The following CABLES1 variants were observed in gnomAD, a reference collection of about 807,000 sequenced individuals.
The protein encoded by CABLES1 is Cdk5 and Abl enzyme substrate 1, also known as CDK5 and ABL1 enzyme substrate 1.
Under a neutral mutation model 57.8 loss-of-function variants are expected in CABLES1, and 36 were observed. That is an observed-to-expected ratio of 0.62 (90% CI 0.48 to 0.82). The LOEUF is 0.82. Ranked by LOEUF, CABLES1 falls within the 40% of genes least tolerant of loss-of-function variation. The pLI, the probability that CABLES1 is intolerant of heterozygous loss-of-function variation, is 0.00. For missense variants in CABLES1, 767 were observed against 836.6 expected (o/e 0.92, Z 1.03); for synonymous variants, 374 against 363.0 (o/e 1.03, Z -0.35).
intron 1 of CABLES1, among the ~76,000 whole-genome samples, chr18:23,141,543 C>T (rs1480248578): frequency 6.6e-6 from 1 of 152,198 alleles, no homozygotes; most frequent in East Asian, 1.9e-4. Context: ...AGTAAGCAAA[C>T]ACAAGTTATT....
chr18:23,195,447 A>G (rs1307322749), intron 3 of CABLES1, among the ~76,000 whole-genome samples: 2 of 152,346 alleles, frequency 1.3e-5, no homozygotes, highest in Middle Eastern at 3.4e-3. Flanking sequence ...AAATTGCTAA[A>G]AAGTCTTTTA....
At chr18:23,190,590 G>GTAGCACCTCT (rs2047235416) in intron 2 of CABLES1, 1 of 152,202 alleles carries the variant, frequency 6.6e-6, no homozygotes, top group Non-Finnish European at 1.5e-5. Context: ...ACCCAGACTG[G>GTAGCACCTCT]TCCTCAGCCT....
At chr18:23,199,528 G>A (rs1307763731) in intron 3 of CABLES1, among the ~76,000 whole-genome samples, 2 of 152,316 alleles carry the variant, frequency 1.3e-5, no homozygotes, top group Non-Finnish European at 2.9e-5. Flanking sequence ...AAAGGAATCA[G>A]TACTGATACA....
chr18:23,224,604 A>C (rs534488925), intron 4 of CABLES1, among the ~76,000 whole-genome samples: 4 of 118,722 alleles, frequency 3.4e-5, no homozygotes, highest in Non-Finnish European at 6.4e-5. Context: ...AGTCTCTCTC[A>C]GTTGCTCAGG....
intron 1 of CABLES1, among the ~76,000 whole-genome samples, chr18:23,162,168 A>AAG (rs1254043794): frequency 1.9e-5 from 1 of 54,024 alleles, no homozygotes; most frequent in African/African-American, 1.1e-4. Context: ...CCTGTCTCAA[A>AAG]AAAAAAACAA....
upstream of CABLES1, among the ~76,000 whole-genome samples, chr18:23,134,956 G>C (rs2046806731): frequency 6.6e-6 from 1 of 152,118 alleles, no homozygotes. Context: ...AGTCTCCATA[G>C]GGGCTGTGGA....
At chr18:23,138,029 A>G (rs2046834580) in intron 1 of CABLES1, among the ~76,000 whole-genome samples, 1 of 152,156 alleles carries the variant, frequency 6.6e-6, no homozygotes, top group Non-Finnish European at 1.5e-5. Context: ...GCTCAGTATT[A>G]CCGCTTGACA....
In CABLES1 at chr18:23,145,110, T is replaced by C. The variant is rs188655376; in HGVS notation, c.845+8503T>C. 3.9e-5 allele frequency among the ~76,000 whole-genome samples: 6 copies of C among 152,212 alleles called. No individual in the cohort carries two copies. The East Asian group carries it at 9.7e-4, about 25-fold the overall frequency. On this transcript the variant is annotated intron_variant, in intron 1 of 9. Coordinates refer to ENST00000256925, the MANE Select transcript of CABLES1 (RefSeq NM_001100619.3). ...GCCACCATGCCCAGCTAATTTTTTGTATTTTTAGTAGAGACGGGGTTTCGC... is the reference window on the plus strand; with the variant it reads ...GCCACCATGCCCAGCTAATTTTTTGCATTTTTAGTAGAGACGGGGTTTCGC...
intron 9 of CABLES1, 106 bp downstream of exon 9, chr18:23,254,042 TAGTC>T (rs2048104718): frequency 1.1e-6 from 1 of 901,126 alleles, no homozygotes; most frequent in Non-Finnish European, 1.8e-6. Context: ...TTCTGATCCT[TAGTC>T]AGCAATTGAG....
intron 5 of CABLES1, among the ~76,000 whole-genome samples, chr18:23,235,625 A>G (rs1008125434): frequency 6.6e-6 from 1 of 152,230 alleles, no homozygotes; most frequent in African/African-American, 2.4e-5. Flanking sequence ...AGTACCTTAT[A>G]GTCAAATACA....
At chr18:23,196,327 CGGCGG>C (rs2047282294) in intron 3 of CABLES1, among the ~76,000 whole-genome samples, 1 of 152,118 alleles carries the variant, frequency 6.6e-6, no homozygotes, top group Non-Finnish European at 1.5e-5. Context: ...GCTGAGGCCA[CGGCGG>C]GTCGTATGCC....
intron 7 of CABLES1, among the ~76,000 whole-genome samples, chr18:23,238,261 A>G (rs984522271): frequency 6.6e-6 from 1 of 152,352 alleles, no homozygotes; most frequent in Non-Finnish European, 1.5e-5. Context: ...TTCATTCAGA[A>G]CTGAGGGTTC....
chr18:23,227,779 T>A (rs2047538831), intron 4 of CABLES1, among the ~76,000 whole-genome samples: 1 of 152,246 alleles, frequency 6.6e-6, no homozygotes, highest in Non-Finnish European at 1.5e-5. Flanking sequence ...CCTTTCGTAA[T>A]CCAGCTTTCA....
intron 4 of CABLES1, among the ~76,000 whole-genome samples, chr18:23,215,695 G>C (rs1481332420): frequency 1.3e-5 from 2 of 152,168 alleles, no homozygotes; most frequent in African/African-American, 4.8e-5. Context: ...CCCCTGAACA[G>C]CTTAGCAGGG....
At chr18:23,172,463 G>C (rs574036534) in intron 1 of CABLES1, among the ~76,000 whole-genome samples, 82 of 152,326 alleles carry the variant, frequency 5.4e-4, no homozygotes, top group Middle Eastern at 6.8e-3. Flanking sequence ...GAAGGATCTT[G>C]CTCTAAAGAA....
intron 1 of CABLES1, among the ~76,000 whole-genome samples, chr18:23,170,466 T>C (rs560800873): frequency 2.0e-5 from 3 of 152,256 alleles, no homozygotes; most frequent in Admixed American, 2.0e-4. Context: ...GTTTCTGGGT[T>C]CCAAGACCAC....
At chr18:23,252,493 G>A (rs1369298018) in intron 7 of CABLES1, among the ~76,000 whole-genome samples, 1 of 152,224 alleles carries the variant, frequency 6.6e-6, no homozygotes, top group Non-Finnish European at 1.5e-5. Context: ...AAAGCTGCGT[G>A]AAGTAGGCAC....
At chr18:23,196,516 G>T (rs1237288988) in intron 3 of CABLES1, among the ~76,000 whole-genome samples, 1 of 152,202 alleles carries the variant, frequency 6.6e-6, no homozygotes, top group East Asian at 1.9e-4. Flanking sequence ...GAAGGAAATT[G>T]TAGTCGAGAG....
intron 1 of CABLES1, among the ~76,000 whole-genome samples, chr18:23,178,334 G>A (rs2047139913): frequency 6.6e-6 from 1 of 152,064 alleles, no homozygotes; most frequent in South Asian, 2.1e-4. Flanking sequence ...GGCCAAGTAT[G>A]AATTAGAATG....
Sources: allele counts gnomAD v4.1 joint callset (sites outside exome capture counted in the v4.1 genomes callset), GRCh38; gene constraint gnomAD v4.1.1; transcripts MANE v1.5; gene names NCBI Gene and HGNC (gene_info 2026-07-23, HGNC 2026-07-21).